Variants in CTNNA3 observed in about 807,000 individuals in gnomAD.
The protein encoded by CTNNA3 is catenin alpha 3, also known as catenin alpha-3.
Under a neutral mutation model 95.7 loss-of-function variants are expected in CTNNA3, and 76 were observed. The ratio of observed to expected loss-of-function variants is 0.79; its 90% CI spans 0.66 to 0.96. The LOEUF is 0.96. CTNNA3 is among the 40% of genes least tolerant of loss of function. The pLI, the probability that CTNNA3 is intolerant of heterozygous loss-of-function variation, is 0.00. For synonymous variants in CTNNA3, 431 were observed against 374.4 expected (o/e 1.15, Z -1.74); for missense variants, 1,191 against 1,089.8 (o/e 1.09, Z -1.31).
At chr10:67,128,352 C>T (rs76915270) in intron 7 of CTNNA3, among the ~76,000 whole-genome samples, 3,701 of 151,966 alleles carry the variant, frequency 0.024, 58 homozygotes, top group Non-Finnish European at 0.034. Context: ...TCATAGAAAG[C>T]CCAATTCTAT....
At chr10:66,170,241 C>CTTTT (rs57644952) in intron 13 of CTNNA3, among the ~76,000 whole-genome samples, 4,103 of 73,352 alleles carry the variant, frequency 0.056, 432 homozygotes, top group Non-Finnish European at 0.079. Flanking sequence ...TCCTCATTGT[C>CTTTT]TTTTTTTTTT....
intron 10 of CTNNA3, among the ~76,000 whole-genome samples, chr10:66,592,956 T>A (rs1843600992): frequency 6.6e-6 from 1 of 152,264 alleles, no homozygotes; most frequent in Middle Eastern, 3.4e-3. Flanking sequence ...GTAAAAGTTG[T>A]GACTTCTGAA....
chr10:65,994,235 G>A (rs2078601166), intron 15 of CTNNA3, among the ~76,000 whole-genome samples: 1 of 152,076 alleles, frequency 6.6e-6, no homozygotes, highest in African/African-American at 2.4e-5. Context: ...TTACCAGTAA[G>A]TTTTATACTT....
intron 11 of CTNNA3, among the ~76,000 whole-genome samples, chr10:66,519,418 A>G (rs901045933): frequency 6.6e-6 from 1 of 152,178 alleles, no homozygotes; most frequent in African/African-American, 2.4e-5. Flanking sequence ...GAATTATCAT[A>G]TTGCATCTGT....
intron 7 of CTNNA3, among the ~76,000 whole-genome samples, chr10:67,066,536 A>T (rs1448496982): frequency 1.3e-5 from 1 of 77,664 alleles, no homozygotes; most frequent in Non-Finnish European, 2.2e-5. Flanking sequence ...AGTTCTTGAC[A>T]AAAAAAAAAA....
chr10:67,460,570 A>G (rs1284742857), intron 5 of CTNNA3, among the ~76,000 whole-genome samples: 1 of 152,198 alleles, frequency 6.6e-6, no homozygotes, highest in East Asian at 1.9e-4. Flanking sequence ...AAAACGAAAC[A>G]GCATAAATAG....
At chr10:66,385,834 C>G (rs573734085) in intron 11 of CTNNA3, among the ~76,000 whole-genome samples, 31 of 152,202 alleles carry the variant, frequency 2.0e-4, no homozygotes, top group African/African-American at 7.2e-4. Context: ...AAATCAACAA[C>G]AAAAAACACA....
chr10:66,372,629 T>C (rs1166812956), intron 12 of CTNNA3, among the ~76,000 whole-genome samples: 3 of 152,204 alleles, frequency 2.0e-5, no homozygotes, highest in Non-Finnish European at 4.4e-5. Context: ...TATGAAGAAA[T>C]ACCTGAGACT....
intron 5 of CTNNA3, among the ~76,000 whole-genome samples, chr10:67,234,581 C>T (rs1865368686): frequency 6.6e-6 from 1 of 152,014 alleles, no homozygotes; most frequent in African/African-American, 2.4e-5. Context: ...AAACTGGAAG[C>T]ATTCCCTTTG....
intron 7 of CTNNA3, among the ~76,000 whole-genome samples, chr10:67,117,416 A>G (rs1026422842): frequency 4.6e-5 from 7 of 152,144 alleles, no homozygotes; most frequent in African/African-American, 1.7e-4. Context: ...GGTACCAGCT[A>G]GCAATAAAAT....
chr10:67,410,543 G>A (rs1424318269), intron 5 of CTNNA3, among the ~76,000 whole-genome samples: 3 of 151,478 alleles, frequency 2.0e-5, no homozygotes, highest in Non-Finnish European at 2.9e-5. Context: ...AAATAGTGTT[G>A]GCAAGAGTAC....
chr10:67,697,376 G>A (rs1191579561), upstream of CTNNA3, among the ~76,000 whole-genome samples: 1 of 152,084 alleles, frequency 6.6e-6, no homozygotes, highest in Non-Finnish European at 1.5e-5. Context: ...CTTGACACTT[G>A]CAAAATAGCA....
intron 9 of CTNNA3, among the ~76,000 whole-genome samples, chr10:66,729,690 G>A (rs183771390): frequency 1.3e-5 from 2 of 152,318 alleles, no homozygotes; most frequent in East Asian, 3.9e-4. Context: ...TGGATACAGT[G>A]TATATTGCTT....
chr10:67,481,722 T>G (rs1004356267), intron 5 of CTNNA3, among the ~76,000 whole-genome samples: 9 of 152,314 alleles, frequency 5.9e-5, no homozygotes, highest in African/African-American at 2.2e-4. Context: ...TGATGGTAGT[T>G]TTTTTGCTGT....
intron 10 of CTNNA3, 62 bp from the exon 11 acceptor site, chr10:66,520,835 G>A: frequency 1.5e-6 from 2 of 1,321,154 alleles, no homozygotes; most frequent in South Asian, 1.2e-5. Flanking sequence ...TTGGGTGATG[G>A]GCACACTAAA....
rs182529119 is a variant in CTNNA3, at chr10:66,816,334, C to T, written c.1048-40810G>A. On this transcript the variant is annotated intron_variant, in intron 7 of 17. Coordinates refer to ENST00000433211, the MANE Select transcript of CTNNA3 (RefSeq NM_013266.4). ...ATCAAATTGGTAGACGTATATTCTGCCTTATCAGTATTCACATGAAATGTA... is the reference window on the plus strand; with the variant it reads ...ATCAAATTGGTAGACGTATATTCTGTCTTATCAGTATTCACATGAAATGTA... Among the ~76,000 whole-genome samples the T allele has an allele frequency of 2.0e-4, 31 of 152,022 alleles. No homozygotes were observed. In the Middle Eastern group the frequency reaches 0.014, roughly 67 times the overall value.
At chr10:66,843,823 G>T (rs1160736019) in intron 7 of CTNNA3, among the ~76,000 whole-genome samples, 1 of 152,076 alleles carries the variant, frequency 6.6e-6, no homozygotes, top group African/African-American at 2.4e-5. Context: ...TTGGAACGTT[G>T]ATTTGGTGAG....
intron 7 of CTNNA3, among the ~76,000 whole-genome samples, chr10:66,896,331 G>T (rs532874551): frequency 3.3e-4 from 50 of 152,188 alleles, no homozygotes; most frequent in African/African-American, 1.2e-3. Context: ...CTATAAAACA[G>T]AATTCATATT....
intron 11 of CTNNA3, among the ~76,000 whole-genome samples, chr10:66,488,097 T>C (rs1428015479): frequency 1.3e-5 from 2 of 152,184 alleles, no homozygotes; most frequent in Non-Finnish European, 2.9e-5. Context: ...CCCCTCCACA[T>C]ACTTATTAAT....
Sources: gnomAD v4.1 joint callset for allele counts (sites outside exome capture counted in the v4.1 genomes callset) on GRCh38, gnomAD v4.1.1 for gene constraint, MANE v1.5 for transcripts, NCBI Gene and HGNC (gene_info 2026-07-23, HGNC 2026-07-21) for gene names.